Variants in ARHGAP15 observed in about 807,000 individuals in gnomAD.
ARHGAP15 encodes the protein Rho GTPase activating protein 15.
In ARHGAP15, 51 loss-of-function variants were observed where a neutral mutation model predicts 63.7. The observed-to-expected ratio is 0.80, with a 90% CI of 0.64 to 1.01. The LOEUF (loss-of-function observed/expected upper bound fraction) is 1.01, where lower values mean the gene tolerates loss of function less well. Among genes scored for constraint, ARHGAP15 ranks in the 50% least tolerant of loss-of-function variants. The pLI is 0.00. For synonymous variants in ARHGAP15, 191 were observed against 193.8 expected (o/e 0.99, Z 0.12); for missense variants, 560 against 564.6 (o/e 0.99, Z 0.08).
At chr2:143,657,940 C>A (rs1020594182) in intron 12 of ARHGAP15, among the ~76,000 whole-genome samples, 2 of 152,190 alleles carry the variant, frequency 1.3e-5, no homozygotes, top group African/African-American at 2.4e-5. Flanking sequence ...TGTATTCATT[C>A]CCTGTCATAA....
At chr2:143,624,585 A>C (rs1404418229) in intron 12 of ARHGAP15, among the ~76,000 whole-genome samples, 3 of 152,142 alleles carry the variant, frequency 2.0e-5, no homozygotes, top group Non-Finnish European at 4.4e-5. Flanking sequence ...TGCACCCCTC[A>C]TCTCTGCCTT....
intron 6 of ARHGAP15, among the ~76,000 whole-genome samples, chr2:143,413,966 T>TGCGCGTGCGCGCGC (rs1553476594): frequency 8.5e-6 from 1 of 117,924 alleles, no homozygotes; most frequent in African/African-American, 3.5e-5. Flanking sequence ...TGTGTGTGTG[T>TGCGCGTGCGCGCGC]GCGCGCTCTC....
At chr2:143,668,447 C>T (rs1362954957) in intron 12 of ARHGAP15, among the ~76,000 whole-genome samples, 1 of 152,138 alleles carries the variant, frequency 6.6e-6, no homozygotes, top group Non-Finnish European at 1.5e-5. Context: ...AAGATGACAT[C>T]GTCAATTGTG....
Position 143,624,268 on chromosome 2 carries a change from G to GT in ARHGAP15, c.1138+2dup, listed in dbSNP as rs1461166547. 14 of 1,611,518 alleles carry GT rather than the reference G, an allele frequency of 8.7e-6. No homozygotes were observed. The highest frequency in any genetic ancestry group is 1.1e-5 in the Non-Finnish European group (13 of 1,178,430). ...TTTGAGCAGTTTGTGGAAGCGATCA[G>GT]TAAGTACCTCACAGAAAAGGGCAGG... On this transcript the variant is annotated splice_donor_variant, in intron 12 of 13. Coordinates refer to ENST00000295095, the MANE Select transcript of ARHGAP15 (RefSeq NM_018460.4). LOFTEE classifies it high-confidence loss of function.
chr2:143,707,947 A>G (rs1484985033), intron 13 of ARHGAP15, among the ~76,000 whole-genome samples: 3 of 152,220 alleles, frequency 2.0e-5, no homozygotes, highest in South Asian at 2.1e-4. Context: ...TAAAATGTTG[A>G]TATTTCTTTG....
intron 4 of ARHGAP15, among the ~76,000 whole-genome samples, chr2:143,217,692 T>C (rs1692812139): frequency 6.6e-6 from 1 of 152,146 alleles, no homozygotes; most frequent in African/African-American, 2.4e-5. Flanking sequence ...CTAAACCTTA[T>C]CATGACCTTA....
rs760813374 is a variant in ARHGAP15, at chr2:143,155,612, G to A, written c.122G>A (p.Ser41Asn). ...AGCCACCATGACAGGCTCAGCCAAA[G>A]TAAATCCATGATCCTCACCGATGTC... ...ANSHHDRLSQ[S>N]KSMILTDVGK... The change falls in exon 2 of 14, where the codon AGT becomes AAT. Residue 41 changes from serine (S) to asparagine (N), a missense_variant. Physicochemically the swap from Ser to Asn is conservative, Grantham distance 46 (BLOSUM62 1). Transcript: ENST00000295095. 1 of 1,606,012 alleles carries A rather than the reference G, an allele frequency of 6.2e-7. No individual in the cohort carries two copies. Among genetic ancestry groups the A allele is most frequent in the Non-Finnish European group, 8.5e-7 (1 of 1,176,750 alleles).
intron 6 of ARHGAP15, among the ~76,000 whole-genome samples, chr2:143,425,468 C>A (rs1230553135): frequency 6.6e-6 from 1 of 151,556 alleles, no homozygotes; most frequent in East Asian, 1.9e-4. Flanking sequence ...ATGTGATATA[C>A]CTATATATCA....
intron 8 of ARHGAP15, among the ~76,000 whole-genome samples, chr2:143,445,125 A>G (rs1690069864): frequency 6.6e-6 from 1 of 151,422 alleles, no homozygotes; most frequent in Non-Finnish European, 1.5e-5. Context: ...GTCTTCTCCA[A>G]AATTGAAGTC....
intron 6 of ARHGAP15, among the ~76,000 whole-genome samples, chr2:143,330,110 AAAAAAAAAAAAAAAAAAAAAACC>A (rs1558897730): frequency 3.5e-5 from 3 of 86,162 alleles, no homozygotes; most frequent in Non-Finnish European, 4.7e-5. Flanking sequence ...AAAAAAAAAA[AAAAAAAAAAAAAAAAAAAAAACC>A]AAAAACAAAA....
At position 143,346,248 on chromosome 2, in the gene ARHGAP15, A is replaced by ACT. The variant is rs1365106806; in HGVS notation, c.475-89351_475-89350dup. On this transcript the variant is annotated intron_variant, in intron 6 of 13. Coordinates refer to ENST00000295095, the MANE Select transcript of ARHGAP15 (RefSeq NM_018460.4). ...CACACACTCTCTCTCACACACACACACTCACACACACACACACACACACAC... is the reference window on the plus strand; with the variant it reads ...CACACACTCTCTCTCACACACACACACTCTCACACACACACACACACACACAC... Among the ~76,000 whole-genome samples, 5 of 135,334 alleles carry ACT rather than the reference A, an allele frequency of 3.7e-5. No individual in the cohort carries two copies. The South Asian group carries it at 9.7e-4, about 26-fold the overall frequency. 88.8% of individuals were successfully genotyped at this position (135,334 alleles called of 152,430 possible).
intron 11 of ARHGAP15, among the ~76,000 whole-genome samples, chr2:143,594,868 A>C (rs10803496): frequency 0.25 from 37,699 of 152,036 alleles, 4,835 homozygotes; most frequent in East Asian, 0.37. Context: ...AATATGCTTA[A>C]ATAATGTTAA....
At chr2:143,454,907 T>G (rs1292398641) in intron 8 of ARHGAP15, among the ~76,000 whole-genome samples, 1 of 152,026 alleles carries the variant, frequency 6.6e-6, no homozygotes, top group East Asian at 1.9e-4. Flanking sequence ...GTAGGGGAGT[T>G]GCTTTGTGCA....
chr2:143,475,406 C>T (rs560936918), intron 8 of ARHGAP15, among the ~76,000 whole-genome samples: 2 of 152,372 alleles, frequency 1.3e-5, no homozygotes, highest in South Asian at 4.1e-4. Flanking sequence ...GCTTCGCACG[C>T]ACATTTTGGA....
chr2:143,542,365 G>A (rs576985892), intron 10 of ARHGAP15, among the ~76,000 whole-genome samples: 28 of 152,100 alleles, frequency 1.8e-4, no homozygotes, highest in African/African-American at 6.0e-4. Context: ...CTCATGCACG[G>A]TGCACTGCAC....
At chr2:143,238,957 T>G (rs968771878) in intron 5 of ARHGAP15, among the ~76,000 whole-genome samples, 1 of 151,852 alleles carries the variant, frequency 6.6e-6, no homozygotes, top group Non-Finnish European at 1.5e-5. Context: ...AAAACACACT[T>G]ATAAGTGGGA....
At chr2:143,404,429 CAAATTATAGCCTGA>C (rs1688113284) in intron 6 of ARHGAP15, among the ~76,000 whole-genome samples, 1 of 151,764 alleles carries the variant, frequency 6.6e-6, no homozygotes, top group Non-Finnish European at 1.5e-5. Context: ...CAGATGGGAT[CAAATTATAGCCTGA>C]AAATGTTGTA....
chr2:143,484,185 G>A (rs1423959599), intron 8 of ARHGAP15, among the ~76,000 whole-genome samples: 1 of 152,018 alleles, frequency 6.6e-6, no homozygotes, highest in African/African-American at 2.4e-5. Flanking sequence ...GGCCAACATA[G>A]TAAAACCCCA....
At chr2:143,235,760 T>C (rs1429073592) in intron 5 of ARHGAP15, among the ~76,000 whole-genome samples, 1 of 152,210 alleles carries the variant, frequency 6.6e-6, no homozygotes, top group African/African-American at 2.4e-5. Flanking sequence ...TTGTTTCATC[T>C]GGTGCTAAAG....
Sources: gnomAD v4.1 joint callset for allele counts (sites outside exome capture counted in the v4.1 genomes callset) on GRCh38, gnomAD v4.1.1 for gene constraint, MANE v1.5 for transcripts, NCBI Gene and HGNC (gene_info 2026-07-23, HGNC 2026-07-21) for gene names.